The following RPTOR variants were observed in gnomAD, a reference collection of about 807,000 sequenced individuals.
The protein encoded by RPTOR is regulatory-associated protein of mTOR.
RPTOR carries 21 observed loss-of-function variants against 169.9 expected under a neutral mutation model. That is an observed-to-expected ratio of 0.12 (90% CI 0.09 to 0.18). The LOEUF is 0.18. RPTOR is among the 10% of genes least tolerant of loss of function. RPTOR has a pLI of 1.00. For synonymous variants in RPTOR, 732 were observed against 753.2 expected, an observed-to-expected ratio of 0.97 and a Z score of 0.46; for missense variants, 1,133 against 1,855.9, an observed-to-expected ratio of 0.61 and a Z score of 7.16.
intron 3 of RPTOR, among the ~76,000 whole-genome samples, chr17:80,665,484 TTTCC>T (rs2065767230): frequency 2.2e-5 from 1 of 45,376 alleles, no homozygotes; most frequent in African/African-American, 1.7e-4. Flanking sequence ...TTTCCTTTCC[TTTCC>T]TTTCCTTTCC....
chr17:80,858,208 AC>A, intron 13 of RPTOR: 1 of 379,204 alleles, frequency 2.6e-6, no homozygotes, highest in Non-Finnish European at 4.9e-6. Flanking sequence ...CCTGTGTCTG[AC>A]CCCCGTAAGG....
At chr17:80,796,352 T>C (rs8064563) in intron 7 of RPTOR, among the ~76,000 whole-genome samples, 11,203 of 152,262 alleles carry the variant, frequency 0.074, 627 homozygotes, top group African/African-American at 0.16. Flanking sequence ...TCACACTGGG[T>C]AATTTATAAA....
intron 3 of RPTOR, among the ~76,000 whole-genome samples, chr17:80,655,276 G>C (rs1555602934): frequency 6.6e-6 from 1 of 152,192 alleles, no homozygotes; most frequent in Non-Finnish European, 1.5e-5. Flanking sequence ...AGTGGAGACA[G>C]GGTTTCACTA....
chr17:80,906,468 G>A (rs1211181963), intron 20 of RPTOR, among the ~76,000 whole-genome samples: 1 of 152,208 alleles, frequency 6.6e-6, no homozygotes, highest in Non-Finnish European at 1.5e-5. Flanking sequence ...CATCTGCGTG[G>A]CACCGTGGCG....
At position 80,708,013 on chromosome 17, in the gene RPTOR, C is replaced by A. The variant is rs1007560621; in HGVS notation, c.507+14C>A. 3.1e-6 allele frequency: 5 copies of A among 1,607,480 alleles called. No individual in the cohort carries two copies. The highest frequency in any genetic ancestry group is 2.7e-5 in the African/African-American group (2 of 74,790). On this transcript the variant is annotated intron_variant, in intron 4 of 33. Transcript: ENST00000306801. This position sits in a 1 kb window ranked among gnomAD's most constrained non-coding sequence, Gnocchi z 4.2. The stretch of plus-strand genomic sequence containing the variant: ...GTCTTCAACAAGGTGGGTGTGCCTT[C>A]CAGCTTCCTTCCCGTTTCTGCCAAA...
In RPTOR at chr17:80,955,867, G is replaced by A. The variant is rs781438369; in HGVS notation, c.3371-1757G>A. On this transcript the variant is annotated intron_variant, in intron 28 of 33. Transcript: ENST00000306801. ...CTTCCTTCTCCACCCGCAAGGACAC[G>A]TGAAGTTGTTGACTGTGACATGGTT... 2.6e-5 allele frequency among the ~76,000 whole-genome samples: 4 copies of A among 152,324 alleles called. No homozygotes were observed. The South Asian group carries it at 6.2e-4, about 24-fold the overall frequency.
chr17:80,734,286 C>A (rs1405197708), intron 5 of RPTOR, among the ~76,000 whole-genome samples: 4 of 152,204 alleles, frequency 2.6e-5, no homozygotes, highest in African/African-American at 9.6e-5. Flanking sequence ...TCCAAGCTCT[C>A]CTGCCTCGCT....
intron 32 of RPTOR, 102 bp downstream of exon 32, chr17:80,962,679 C>A: frequency 8.4e-7 from 1 of 1,188,354 alleles, no homozygotes; most frequent in Non-Finnish European, 1.2e-6. Context: ...TGAAGGAGGG[C>A]AGGGGAGGAT....
chr17:80,729,055 A>G (rs1054222039), intron 4 of RPTOR, among the ~76,000 whole-genome samples: 26 of 152,218 alleles, frequency 1.7e-4, no homozygotes, highest in African/African-American at 5.8e-4. Flanking sequence ...GGTATACTGT[A>G]TCATCATGTC....
At chr17:80,791,898 T>G (rs1489744182) in intron 7 of RPTOR, among the ~76,000 whole-genome samples, 1 of 152,116 alleles carries the variant, frequency 6.6e-6, no homozygotes, top group Non-Finnish European at 1.5e-5. Flanking sequence ...TCTGTAACTT[T>G]CCATCCCCTC....
intron 21 of RPTOR, among the ~76,000 whole-genome samples, chr17:80,919,631 C>T (rs1598401105): frequency 6.6e-6 from 1 of 152,234 alleles, no homozygotes; most frequent in Non-Finnish European, 1.5e-5. Context: ...CCAGTCCCCG[C>T]TTCAGCAGCT....
chr17:80,788,521 T>G (rs898062009), intron 6 of RPTOR, among the ~76,000 whole-genome samples: 1 of 152,176 alleles, frequency 6.6e-6, no homozygotes, highest in African/African-American at 2.4e-5. Flanking sequence ...GTTAATCTGA[T>G]AAAAATAAAA....
chr17:80,888,018 G>C lies in RPTOR; in HGVS notation c.1983+2870G>C, dbSNP rs558503471. Among the ~76,000 whole-genome samples the C allele has an allele frequency of 2.0e-5, 3 of 152,232 alleles. No homozygotes were observed. The East Asian group carries it at 5.8e-4, about 29-fold the overall frequency. ...GCCTGGGCCGGGCTGGGCAGGAGCC[G>C]CACACAGGGACGGGCTCAGCGGGGC... On this transcript the variant is annotated intron_variant, in intron 17 of 33. Coordinates refer to ENST00000306801, the MANE Select transcript of RPTOR (RefSeq NM_020761.3).
intron 6 of RPTOR, among the ~76,000 whole-genome samples, chr17:80,762,508 G>A (rs1490330821): frequency 2.6e-5 from 4 of 152,224 alleles, no homozygotes; most frequent in Non-Finnish European, 5.9e-5. Context: ...GGCTCAGAAA[G>A]ATGGAAAATA....
chr17:80,642,779 TTC>T (rs928751770), intron 2 of RPTOR, among the ~76,000 whole-genome samples: 15 of 152,318 alleles, frequency 9.8e-5, no homozygotes, highest in African/African-American at 3.4e-4. Context: ...TAAGATACTC[TTC>T]TGTTTTCTAA....
At position 80,922,819 on chromosome 17, in the gene RPTOR, C is replaced by G. The variant is rs1395173318; in HGVS notation, c.2616C>G (p.His872Gln). The change falls in exon 22 of 34, where the codon CAC becomes CAG. Residue 872 changes from histidine (H) to glutamine (Q), a missense_variant. Around this residue, in one of 9 missense-constraint regions of RPTOR, gnomAD observed 123 missense variants for 129.0 expected, o/e 0.95. Coordinates refer to ENST00000306801, the MANE Select transcript of RPTOR (RefSeq NM_020761.3). Reference sequence around the variant, plus strand: ...CCACCAACAAGGGCGTGCACATCCACCAGGCGGGGTAAGTGCCGCCCGCTC... The same window carrying G: ...CCACCAACAAGGGCGTGCACATCCAGCAGGCGGGGTAAGTGCCGCCCGCTC... ...ASPTNKGVHI[H>Q]QAGGSPPASS... 2 of 1,570,068 alleles carry G rather than the reference C, an allele frequency of 1.3e-6. No homozygotes were observed. Among genetic ancestry groups the G allele is most frequent in the Admixed American group, 1.8e-5 (1 of 55,432 alleles).
At chr17:80,558,411 C>T (rs555666350) in intron 1 of RPTOR, among the ~76,000 whole-genome samples, 4 of 152,086 alleles carry the variant, frequency 2.6e-5, no homozygotes, top group South Asian at 2.1e-4. Context: ...AGACAGTCGC[C>T]GAGAACAAGT....
rs1421514592 is a variant in RPTOR at position 80,860,116 on chromosome 17, G to T, written c.1509+2216G>T. 6.6e-6 allele frequency among the ~76,000 whole-genome samples: 1 copy of T among 152,192 alleles called. No individual in the cohort carries two copies. The highest frequency in any genetic ancestry group is 1.5e-5 in the Non-Finnish European group (1 of 68,020). On this transcript the variant is annotated intron_variant, in intron 13 of 33. Transcript: ENST00000306801. This position sits in a 1 kb window ranked among gnomAD's most constrained non-coding sequence, Gnocchi z 5.8. ...AGTGGACGGAGCTTAAGCCCCCGGG[G>T]CTCCTGCCTGCTGCCCGGCGCTCCC...
chr17:80,924,570 G>A (rs925235546), intron 23 of RPTOR, among the ~76,000 whole-genome samples: 2 of 151,936 alleles, frequency 1.3e-5, no homozygotes, highest in Admixed American at 6.6e-5. Flanking sequence ...GAGGAGGAGC[G>A]AGAATCACCA....
Sources: allele counts gnomAD v4.1 joint callset (sites outside exome capture counted in the v4.1 genomes callset), GRCh38; gene constraint gnomAD v4.1.1; regional missense constraint gnomAD v4.1.1; non-coding constraint Gnocchi (gnomAD v3.1); transcripts MANE v1.5; gene names NCBI Gene and HGNC (gene_info 2026-07-23, HGNC 2026-07-21).